RGS5: variants seen among roughly 807,000 people sequenced by gnomAD.
The protein encoded by RGS5 is regulator of G protein signaling 5.
RGS5 carries 20 observed loss-of-function variants against 18.9 expected under a neutral mutation model. That is an observed-to-expected ratio of 1.06 (90% CI 0.74 to 1.54). The LOEUF is 1.54. RGS5 is among the 40% of genes most tolerant of loss of function. RGS5 has a pLI of 0.00. For missense variants in RGS5, 201 were observed against 211.8 expected (o/e 0.95, Z 0.32); for synonymous variants, 57 against 76.2 (o/e 0.75, Z 1.31).
In RGS5 at chr1:163,309,399, T is replaced by C. The variant is rs182600501; in HGVS notation, c.-377-3070A>G. On this transcript the variant is annotated intron_variant, in intron 1 of 5. Transcript: ENST00000618415. Reference sequence around the variant, plus strand: ...AGTCAGTACTCTCAAACCCTGCCACTGCTTTATCAACAAAGTTTTGTAATA... The same window carrying C: ...AGTCAGTACTCTCAAACCCTGCCACCGCTTTATCAACAAAGTTTTGTAATA... 4.5e-4 allele frequency among the ~76,000 whole-genome samples: 69 copies of C among 152,320 alleles called. No homozygotes were observed. The East Asian group carries it at 0.012, about 26-fold the overall frequency.
chr1:163,321,528 G>C (rs1248419692), intron 1 of RGS5: 1 of 152,106 alleles, frequency 6.6e-6, no homozygotes, highest in Non-Finnish European at 1.5e-5. Flanking sequence ...CTTTAATGAA[G>C]TCTAAATGAG....
Position 163,144,130 on chromosome 1 carries a change from C to G in RGS5, c.*3212G>C, listed in dbSNP as rs1428898149. The G allele has an allele frequency of 6.6e-6, 1 of 152,070 alleles. No homozygotes were observed. The highest frequency in any genetic ancestry group is 2.4e-5 in the African/African-American group (1 of 41,412). The allele number at this position is 152,070 out of a possible 1,614,324, so 9.4% of individuals were successfully genotyped here. On this transcript the variant is annotated 3_prime_UTR_variant, in exon 5 of 5. Coordinates refer to ENST00000313961, the MANE Select transcript of RGS5 (RefSeq NM_003617.4). ...GCACAAAATGTTTCCATACATTTGA[C>G]TTTATTGATTTGAAAGCAAAGTTAC...
Position 163,145,583 on chromosome 1 carries a change from G to A in RGS5, c.*1759C>T, listed in dbSNP as rs1334229390. 2 of 152,078 alleles carry A rather than the reference G, an allele frequency of 1.3e-5. No homozygotes were observed. The highest frequency in any genetic ancestry group is 2.9e-5 in the Non-Finnish European group (2 of 68,050). The allele number at this position is 152,078 out of a possible 1,614,324, so 9.4% of individuals were successfully genotyped here. A position where few individuals can be genotyped will look rare whatever the true frequency, so the allele number is the denominator to read the frequency against. Reference sequence around the variant, plus strand: ...TGATGAAGGAGTTTCTTTGAAGTGAGCAATACTGGCAAATATGAATGAATT... The same window carrying A: ...TGATGAAGGAGTTTCTTTGAAGTGAACAATACTGGCAAATATGAATGAATT... On this transcript the variant is annotated 3_prime_UTR_variant, in exon 5 of 5. Coordinates refer to ENST00000313961, the MANE Select transcript of RGS5 (RefSeq NM_003617.4).
chr1:163,243,643 C>CAAAAAAAAAA (rs3069033), intron 2 of RGS5, among the ~76,000 whole-genome samples: 2 of 55,132 alleles, frequency 3.6e-5, no homozygotes, highest in Non-Finnish European at 6.3e-5. Flanking sequence ...GACTCCGTCT[C>CAAAAAAAAAA]AAAAAAAAAA....
chr1:163,153,740 A>G (rs1657470917), intron 3 of RGS5, among the ~76,000 whole-genome samples: 2 of 151,666 alleles, frequency 1.3e-5, no homozygotes, highest in Admixed American at 1.3e-4. Flanking sequence ...TTATAAAACT[A>G]TGTATATGTA....
chr1:163,238,042 T>C (rs1330984490), intron 2 of RGS5: 3 of 156,136 alleles, frequency 1.9e-5, no homozygotes, highest in Non-Finnish European at 2.9e-5. Flanking sequence ...ATGACTTTAA[T>C]GGTTATGGTT....
chr1:163,246,153 G>A (rs12128975), intron 2 of RGS5, among the ~76,000 whole-genome samples: 7,496 of 151,690 alleles, frequency 0.049, 214 homozygotes, highest in South Asian at 0.093. Flanking sequence ...CCCAGGAGGC[G>A]GAGCTTGCAG....
chr1:163,292,664 A>C (rs186786700), intron 2 of RGS5, among the ~76,000 whole-genome samples: 1 of 152,182 alleles, frequency 6.6e-6, no homozygotes, highest in Non-Finnish European at 1.5e-5. Context: ...TTTTCTCCAC[A>C]ACCTCACCAA....
rs546251259 is a variant in RGS5 at position 163,319,812 on chromosome 1, C to G, written c.-378+1810G>C. Among the ~76,000 whole-genome samples, 8 of 152,190 alleles carry G rather than the reference C, an allele frequency of 5.3e-5. No homozygotes were observed. The South Asian group carries it at 1.7e-3, about 32-fold the overall frequency. On this transcript the variant is annotated intron_variant, in intron 1 of 5. Coordinates refer to the RGS5 transcript ENST00000618415. ...TATGATGCTACAATCAGAAAGAATACTAAAGTTTTCTGCAATAGTCTGTGT... is the reference window on the plus strand; with the variant it reads ...TATGATGCTACAATCAGAAAGAATAGTAAAGTTTTCTGCAATAGTCTGTGT...
intron 2 of RGS5, among the ~76,000 whole-genome samples, chr1:163,283,889 G>A (rs980088658): frequency 2.6e-5 from 4 of 152,074 alleles, no homozygotes; most frequent in African/African-American, 9.7e-5. Flanking sequence ...CTTTTTCCAG[G>A]CAAGCTTTCA....
At chr1:163,271,963 CTTAT>C (rs950838729) in intron 2 of RGS5, among the ~76,000 whole-genome samples, 10 of 152,120 alleles carry the variant, frequency 6.6e-5, no homozygotes, top group South Asian at 2.1e-4. Context: ...TTTGTATTGT[CTTAT>C]TTATTTTTTT....
intron 2 of RGS5, chr1:163,238,532 C>G (rs1327905048): frequency 6.4e-6 from 1 of 156,796 alleles, no homozygotes; most frequent in Non-Finnish European, 1.5e-5. Context: ...CCCAACTTAG[C>G]TAGACCTTCC....
chr1:163,268,584 T>G (rs1180840311), intron 2 of RGS5, among the ~76,000 whole-genome samples: 1 of 152,068 alleles, frequency 6.6e-6, no homozygotes, highest in Non-Finnish European at 1.5e-5. Context: ...AACTCTATGT[T>G]TTATCAAACT....
chr1:163,164,064 C>A (rs1412052578), intron 2 of RGS5, among the ~76,000 whole-genome samples: 1 of 152,106 alleles, frequency 6.6e-6, no homozygotes, highest in Non-Finnish European at 1.5e-5. Flanking sequence ...ATGTGCAGAG[C>A]CCGCTTGGGG....
At chr1:163,236,883 C>T (rs1479186344) in intron 2 of RGS5, among the ~76,000 whole-genome samples, 5 of 151,922 alleles carry the variant, frequency 3.3e-5, no homozygotes, top group Non-Finnish European at 7.4e-5. Flanking sequence ...ATCACTTGAA[C>T]CCGGGAGGTG....
chr1:163,245,521 G>A lies in RGS5; in HGVS notation c.-281+60712C>T, dbSNP rs558522991. On this transcript the variant is annotated intron_variant, in intron 2 of 5. Transcript: ENST00000618415. The stretch of plus-strand genomic sequence containing the variant: ...ATCTGATTCTCCAAGCATATCATAA[G>A]ATCTTAAAAATCAGGAACCAAGGTT... 2.6e-5 allele frequency among the ~76,000 whole-genome samples: 4 copies of A among 152,246 alleles called. No homozygotes were observed. The East Asian group carries it at 7.7e-4, about 29-fold the overall frequency.
intron 2 of RGS5, among the ~76,000 whole-genome samples, chr1:163,300,093 T>C (rs552652397): frequency 6.6e-6 from 1 of 152,328 alleles, no homozygotes; most frequent in Admixed American, 6.5e-5. Context: ...AGTGAAATTA[T>C]CTCTTTTCTA....
At chr1:163,262,016 G>A (rs950443478) in intron 2 of RGS5, among the ~76,000 whole-genome samples, 3 of 151,966 alleles carry the variant, frequency 2.0e-5, no homozygotes, top group African/African-American at 4.8e-5. Context: ...CACAATATCA[G>A]ATAATCTACT....
intron 1 of RGS5, among the ~76,000 whole-genome samples, chr1:163,181,711 G>T (rs918376625): frequency 1.3e-5 from 2 of 152,030 alleles, no homozygotes; most frequent in Admixed American, 1.3e-4. Context: ...TGGGTGCCTT[G>T]TCTTACTTCC....
Sources: allele counts gnomAD v4.1 joint callset (sites outside exome capture counted in the v4.1 genomes callset), GRCh38; gene constraint gnomAD v4.1.1; transcripts MANE v1.5; gene names NCBI Gene and HGNC (gene_info 2026-07-23, HGNC 2026-07-21).